PLAGL1: variants seen among roughly 807,000 people sequenced by gnomAD.
The protein encoded by PLAGL1 is PLAG1 like zinc finger 1.
PLAGL1 carries 1 observed loss-of-function variant against 4.6 expected under a neutral mutation model. The ratio of observed to expected loss-of-function variants is 0.22; its 90% CI spans 0.08 to 1.03. The LOEUF (loss-of-function observed/expected upper bound fraction) is 1.03, where lower values mean the gene tolerates loss of function less well. PLAGL1 is among the 50% of genes least tolerant of loss of function. The probability of loss-of-function intolerance (pLI) is 0.58; values close to 1 mark genes in which losing one functional copy is unlikely to be tolerated. For missense variants in PLAGL1, 464 were observed against 570.4 expected (o/e 0.81, Z 1.90); for synonymous variants, 240 against 237.8 (o/e 1.01, Z -0.08).
rs1785760068 is a variant in PLAGL1, at chr6:143,973,239, TC to T, written c.-543-4262del. Among the ~76,000 whole-genome samples, 2 of 151,970 alleles carry T rather than the reference TC, an allele frequency of 1.3e-5. No individual in the cohort carries two copies. The highest frequency in any genetic ancestry group is 2.9e-5 in the Non-Finnish European group (2 of 67,988). On this transcript the variant is annotated intron_variant, in intron 2 of 7. Coordinates refer to ENST00000674357, the MANE Select transcript of PLAGL1 (RefSeq NM_001317162.2). The surrounding 1 kb of genome is among the most constrained non-coding windows in gnomAD (Gnocchi z 6.2). ...CCAGGGAGCAGCTGCAACAAAGAGATCAAAGGCCCACCTCTCTTTCCCTCCA... is the reference window on the plus strand; with the variant it reads ...CCAGGGAGCAGCTGCAACAAAGAGATAAAGGCCCACCTCTCTTTCCCTCCA...
chr6:144,045,554 T>A (rs964097512), intron 1 of PLAGL1, among the ~76,000 whole-genome samples: 2 of 152,234 alleles, frequency 1.3e-5, no homozygotes, highest in Admixed American at 1.3e-4. Flanking sequence ...TGGCGAGAGA[T>A]CCACTGTTTG....
At chr6:143,981,490 C>A (rs1787942479) in intron 2 of PLAGL1, among the ~76,000 whole-genome samples, 1 of 152,132 alleles carries the variant, frequency 6.6e-6, no homozygotes. Context: ...CCCAGAATTC[C>A]TAACTCCATC....
intron 1 of PLAGL1, among the ~76,000 whole-genome samples, chr6:144,057,776 ATTTTTTTTTTT>A (rs60234022): frequency 1.5e-5 from 2 of 137,218 alleles, no homozygotes; most frequent in African/African-American, 5.4e-5. Context: ...ACGCCTCACC[ATTTTTTTTTTT>A]TTTTTTTTTA....
chr6:143,997,022 A>G lies in PLAGL1; in HGVS notation c.-584+11068T>C, dbSNP rs903961895. Among the ~76,000 whole-genome samples the G allele has an allele frequency of 1.3e-5, 2 of 152,236 alleles. No individual in the cohort carries two copies. ...AAACCCGATAAACTGGATTTCATTA[A>G]GACACCAAAAGACAGCATTAAAAGA... On this transcript the variant is annotated intron_variant, in intron 1 of 7. Coordinates refer to ENST00000674357, the MANE Select transcript of PLAGL1 (RefSeq NM_001317162.2). This position sits in a 1 kb window ranked among gnomAD's most constrained non-coding sequence, Gnocchi z 4.6.
chr6:144,020,657 G>C (rs1410007375), intron 1 of PLAGL1, among the ~76,000 whole-genome samples: 1 of 150,436 alleles, frequency 6.6e-6, no homozygotes, highest in Non-Finnish European at 1.5e-5. Flanking sequence ...TGTTGCCCAG[G>C]CTGAATTCAA....
rs969273367 is a variant in PLAGL1 at position 143,950,109 on chromosome 6, C to A, written c.-324-1649G>T. Among the ~76,000 whole-genome samples the A allele has an allele frequency of 6.6e-6, 1 of 152,124 alleles. No individual in the cohort carries two copies. The highest frequency in any genetic ancestry group is 1.5e-5 in the Non-Finnish European group (1 of 68,036). On this transcript the variant is annotated intron_variant, in intron 6 of 7. Transcript: ENST00000674357. This position sits in a 1 kb window ranked among gnomAD's most constrained non-coding sequence, Gnocchi z 6.3. The stretch of plus-strand genomic sequence containing the variant: ...AATACCCCTCACCATCCTGCCTCAC[C>A]CACTTGGAAACGTGAAAGCTGACTC...
chr6:144,040,013 C>G (rs1260773002), intron 1 of PLAGL1, among the ~76,000 whole-genome samples: 2 of 151,942 alleles, frequency 1.3e-5, no homozygotes, highest in African/African-American at 2.4e-5. Flanking sequence ...ACAAGCAAAA[C>G]TAAACATATA....
chr6:144,014,926 A>G (rs1462675805), intron 1 of PLAGL1, among the ~76,000 whole-genome samples: 21 of 152,222 alleles, frequency 1.4e-4, no homozygotes, highest in Admixed American at 1.4e-3. Context: ...TTCCATTGGA[A>G]AGAGATAAAT....
intron 1 of PLAGL1, among the ~76,000 whole-genome samples, chr6:144,018,378 G>C (rs913500324): frequency 2.6e-5 from 4 of 152,140 alleles, no homozygotes; most frequent in African/African-American, 4.8e-5. Flanking sequence ...AGGGGCTGGC[G>C]GGGGTGAGAG....
In PLAGL1 at chr6:144,027,285, AAG is replaced by A. The variant is rs148287574; in HGVS notation, c.-151+37181_-151+37182del. Among the ~76,000 whole-genome samples, 646 of 120,744 alleles carry A rather than the reference AAG, an allele frequency of 5.4e-3. 26 individuals carry two copies. Among genetic ancestry groups the A allele is most frequent in the Admixed American group, 0.044 (436 of 9,948 alleles). 79.2% of individuals were successfully genotyped at this position (120,744 alleles called of 152,430 possible). On this transcript the variant is annotated intron_variant, in intron 1 of 3. Transcript: ENST00000437412. The surrounding 1 kb of genome is among the most constrained non-coding windows in gnomAD (Gnocchi z 5.8). ...AAAGAAAGAAAGAAAGAAAGAAAGA[AAG>A]AAAGAAAGTTATTTGATCTGAAGTA... is the stretch of plus-strand genomic sequence containing the variant.
Position 143,960,137 on chromosome 6 carries a change from TTTC to T in PLAGL1, c.-325+329_-325+331del, listed in dbSNP as rs367940284. Among the ~76,000 whole-genome samples, 3 of 152,336 alleles carry T rather than the reference TTTC, an allele frequency of 2.0e-5. No individual in the cohort carries two copies. The highest frequency in any genetic ancestry group is 4.1e-4 in the South Asian group (2 of 4,830). ...AGTTAGGAGTGTTGGCAGGGGCAGC[TTTC>T]TTCTTTTGAACTGACAGGGTTGTCA... On this transcript the variant is annotated intron_variant, in intron 6 of 7. Transcript: ENST00000674357. The surrounding 1 kb of genome is among the most constrained non-coding windows in gnomAD (Gnocchi z 5.7).
chr6:144,033,193 C>T (rs746275847), intron 1 of PLAGL1, among the ~76,000 whole-genome samples: 2 of 152,216 alleles, frequency 1.3e-5, no homozygotes, highest in African/African-American at 2.4e-5. Flanking sequence ...ATGAGGACTA[C>T]TGCCTGTAAT....
upstream of PLAGL1, among the ~76,000 whole-genome samples, chr6:144,010,853 T>C (rs1478588831): frequency 6.6e-6 from 1 of 151,910 alleles, no homozygotes; most frequent in Non-Finnish European, 1.5e-5. This position sits in a 1 kb window ranked among gnomAD's most constrained non-coding sequence, Gnocchi z 4.1. Flanking sequence ...AAGCAATAGG[T>C]AAAAGATTCC....
Position 144,040,019 on chromosome 6 carries a change from A to G in PLAGL1, c.-151+24449T>C, listed in dbSNP as rs143968004. ...CATTCAACAACAAGCAAAACTAAAC[A>G]TATACAAATGTCAGGGAAAATGATG... is the stretch of plus-strand genomic sequence containing the variant. On this transcript the variant is annotated intron_variant, in intron 1 of 3. Coordinates refer to the PLAGL1 transcript ENST00000437412. Among the ~76,000 whole-genome samples, 955 of 152,302 alleles carry G rather than the reference A, an allele frequency of 6.3e-3. 10 individuals carry two copies. Among genetic ancestry groups the G allele is most frequent in the Non-Finnish European group, 0.011 (747 of 68,032 alleles).
rs540242621 is a variant in PLAGL1 at position 143,960,315 on chromosome 6, C to A, written c.-325+154G>T. Among the ~76,000 whole-genome samples, 1 of 152,314 alleles carries A rather than the reference C, an allele frequency of 6.6e-6. No individual in the cohort carries two copies. Among genetic ancestry groups the A allele is most frequent in the Admixed American group, 6.5e-5 (1 of 15,302 alleles). On this transcript the variant is annotated intron_variant, in intron 6 of 7. Coordinates refer to ENST00000674357, the MANE Select transcript of PLAGL1 (RefSeq NM_001317162.2). The surrounding 1 kb of genome is among the most constrained non-coding windows in gnomAD (Gnocchi z 5.7). ...GAAAGGGCTAAAAGAACCCTGTTCT[C>A]GGGTATTCTGCAGTTTGTGGAGGAA...
At chr6:144,033,029 T>A (rs994559723) in intron 1 of PLAGL1, among the ~76,000 whole-genome samples, 3 of 152,222 alleles carry the variant, frequency 2.0e-5, no homozygotes, top group African/African-American at 7.2e-5. Flanking sequence ...CAGATTTAGG[T>A]CACTTAGCTG....
chr6:144,028,425 G>GA (rs1420605995), intron 1 of PLAGL1, among the ~76,000 whole-genome samples: 1 of 152,114 alleles, frequency 6.6e-6, no homozygotes, highest in Non-Finnish European at 1.5e-5. Flanking sequence ...AGCTGATGAG[G>GA]AAAAAAGACT....
rs1798915545 is a variant in PLAGL1 at position 144,055,728 on chromosome 6, T to C, written c.-151+8740A>G. On this transcript the variant is annotated intron_variant, in intron 1 of 3. Coordinates refer to the PLAGL1 transcript ENST00000437412. The surrounding 1 kb of genome is among the most constrained non-coding windows in gnomAD (Gnocchi z 5.0). ...GAGCCACAGTTGTCAGAGATATAAA[T>C]CATAACTACAGGTGCCTTTAGGAAA... 6.6e-6 allele frequency among the ~76,000 whole-genome samples: 1 copy of C among 152,178 alleles called. No homozygotes were observed. The highest frequency in any genetic ancestry group is 1.5e-5 in the Non-Finnish European group (1 of 68,028).
rs1778921971 is a variant in PLAGL1 at position 143,942,792 on chromosome 6, A to C, written c.153-129T>G. ...TTGGTATAATTTTCAAAATTCTTTC[A>C]TATATTTTCCAAATATATAAACTTT... On this transcript the variant is annotated intron_variant, in intron 7 of 7. Coordinates refer to ENST00000674357, the MANE Select transcript of PLAGL1 (RefSeq NM_001317162.2). The surrounding 1 kb of genome is among the most constrained non-coding windows in gnomAD (Gnocchi z 7.6). 4.6e-6 allele frequency: 3 copies of C among 647,984 alleles called. No individual in the cohort carries two copies. Among genetic ancestry groups the C allele is most frequent in the Non-Finnish European group, 7.5e-6 (3 of 398,432 alleles). 40.1% of individuals were successfully genotyped at this position (647,984 alleles called of 1,614,324 possible).
Sources: allele counts gnomAD v4.1 joint callset (sites outside exome capture counted in the v4.1 genomes callset), GRCh38; gene constraint gnomAD v4.1.1; non-coding constraint Gnocchi (gnomAD v3.1); transcripts MANE v1.5; gene names NCBI Gene and HGNC (gene_info 2026-07-23, HGNC 2026-07-21).